Variants in SLC25A16 observed in about 807,000 individuals in gnomAD.
SLC25A16 encodes the protein mitochondrial coenzyme A transporter SLC25A16.
In SLC25A16, 39 loss-of-function variants were observed where a neutral mutation model predicts 41.5. The ratio of observed to expected loss-of-function variants is 0.94; its 90% confidence interval spans 0.73 to 1.23. The LOEUF (loss-of-function observed/expected upper bound fraction) is 1.23, where lower values mean the gene tolerates loss of function less well. SLC25A16 is among the 50% of genes most tolerant of loss of function. The pLI, the probability that SLC25A16 is intolerant of heterozygous loss-of-function variation, is 0.00. For missense variants in SLC25A16, 421 were observed against 426.9 expected (o/e 0.99, Z 0.12); for synonymous variants, 146 against 147.8 (o/e 0.99, Z 0.09).
intron 1 of SLC25A16, among the ~76,000 whole-genome samples, chr10:68,525,480 GTC>G (rs1000802498): frequency 2.6e-4 from 39 of 152,202 alleles, no homozygotes; most frequent in Admixed American, 2.5e-3. Context: ...TTAGGAGAGG[GTC>G]TCTCTCTGTA....
In SLC25A16 at chr10:68,482,707, C is replaced by A. The variant is rs1246048448; in HGVS notation, c.*725G>T. On this transcript the variant is annotated 3_prime_UTR_variant, in exon 9 of 9. Coordinates refer to ENST00000609923, the MANE Select transcript of SLC25A16 (RefSeq NM_152707.4). Reference sequence around the variant, plus strand: ...TAATAACATTTGAGCAAGACTTAGTCGTTCATTCATTTATTAAGTGGGGTT... The same window carrying A: ...TAATAACATTTGAGCAAGACTTAGTAGTTCATTCATTTATTAAGTGGGGTT... 6.6e-6 allele frequency: 1 copy of A among 152,134 alleles called. No homozygotes were observed. The highest frequency in any genetic ancestry group is 1.5e-5 in the Non-Finnish European group (1 of 68,000). 9.4% of individuals were successfully genotyped at this position (152,134 alleles called of 1,614,324 possible).
chr10:68,527,471 C>T lies in SLC25A16; in HGVS notation c.-96G>A. The T allele has an allele frequency of 3.2e-6, 4 of 1,265,154 alleles. No homozygotes were observed. The highest frequency in any genetic ancestry group is 4.1e-6 in the Non-Finnish European group (4 of 966,140). The allele number at this position is 1,265,154 out of a possible 1,614,324, so 78.4% of individuals were successfully genotyped here. ...AGGCGGTGACAGGAGGCTGACCGCC[C>T]CGCCGGCGGGGCAAAGTAACACCCG... On this transcript the variant is annotated 5_prime_UTR_variant, in exon 1 of 9. Transcript: ENST00000609923.
chr10:68,518,691 A>G (rs1368908326), intron 1 of SLC25A16, among the ~76,000 whole-genome samples: 1 of 150,166 alleles, frequency 6.7e-6, no homozygotes, highest in East Asian at 2.0e-4. Flanking sequence ...GAAGAATTGC[A>G]TGAACCCAGG....
In SLC25A16 at chr10:68,503,617, C is replaced by G. The variant is rs779459911; in HGVS notation, c.421+15G>C. 5.9e-6 allele frequency: 9 copies of G among 1,524,712 alleles called. No individual in the cohort carries two copies. In the Admixed American group the frequency reaches 1.6e-4, roughly 27 times the overall value. 94.4% of individuals were successfully genotyped at this position (1,524,712 alleles called of 1,614,324 possible). A position where few individuals can be genotyped will look rare whatever the true frequency, so the allele number is the denominator to read the frequency against. On this transcript the variant is annotated intron_variant, in intron 4 of 8. Transcript: ENST00000609923. The stretch of plus-strand genomic sequence containing the variant: ...ATTAATTTGTCAGAAATAAAATATA[C>G]CTAACTCCTCTTACCTGCCATGGAT...
intron 8 of SLC25A16, 181 bp downstream of exon 8, chr10:68,486,956 CAAAAAAA>C (rs374368406): frequency 2.3e-3 from 236 of 103,012 alleles, no homozygotes; most frequent in South Asian, 5.2e-3. Context: ...GACTGCATCT[CAAAAAAA>C]AAAAAAAAAA....
At position 68,492,067 on chromosome 10, in the gene SLC25A16, G is replaced by A. The variant is rs367855612; in HGVS notation, c.610+1065C>T. 4.2e-4 allele frequency among the ~76,000 whole-genome samples: 64 copies of A among 152,112 alleles called. 1 individual carries two copies. In the South Asian group the frequency reaches 0.012, roughly 28 times the overall value. ...AGTCTCAAACTCAGGTGATCCACCC[G>A]CCTTGGCCTCCAAAAGTGCTGGGAT... On this transcript the variant is annotated intron_variant, in intron 6 of 8. Coordinates refer to ENST00000609923, the MANE Select transcript of SLC25A16 (RefSeq NM_152707.4).
At chr10:68,499,888 G>A (rs1387795721) in intron 4 of SLC25A16, 2 of 569,478 alleles carry the variant, frequency 3.5e-6, no homozygotes, top group East Asian at 8.1e-5. Flanking sequence ...AAAGATTCCT[G>A]AACAGAAAGC....
chr10:68,494,257 G>A (rs1191560733), intron 4 of SLC25A16, among the ~76,000 whole-genome samples: 1 of 151,876 alleles, frequency 6.6e-6, no homozygotes, highest in African/African-American at 2.4e-5. Flanking sequence ...GAGGTCAAGA[G>A]ATCGAGCCGT....
chr10:68,504,420 C>A (rs561841316), intron 3 of SLC25A16, among the ~76,000 whole-genome samples: 3 of 150,744 alleles, frequency 2.0e-5, no homozygotes, highest in East Asian at 3.9e-4. Flanking sequence ...TTGTTCCGAT[C>A]TCTGCTGCTT....
At chr10:68,510,769 C>T (rs1353143439) in intron 2 of SLC25A16, among the ~76,000 whole-genome samples, 2 of 151,926 alleles carry the variant, frequency 1.3e-5, no homozygotes, top group South Asian at 2.1e-4. Context: ...ATCCGGGAGG[C>T]GGAGGTTGCA....
chr10:68,516,055 A>C (rs1017486790), intron 2 of SLC25A16, among the ~76,000 whole-genome samples: 5 of 152,172 alleles, frequency 3.3e-5, no homozygotes, highest in Non-Finnish European at 5.9e-5. Flanking sequence ...CCTACAGAGA[A>C]AAAACAAATA....
intron 2 of SLC25A16, among the ~76,000 whole-genome samples, chr10:68,515,339 A>G (rs1040431120): frequency 2.2e-5 from 3 of 135,972 alleles, no homozygotes; most frequent in Non-Finnish European, 4.7e-5. Context: ...CTTGGGCCAC[A>G]AGAGCAAACT....
chr10:68,527,160 G>C, intron 1 of SLC25A16, 86 bp downstream of exon 1: 1 of 1,403,756 alleles, frequency 7.1e-7, no homozygotes, highest in Non-Finnish European at 9.6e-7. Context: ...GTCCAGGAAT[G>C]TCATAGAGGC....
At chr10:68,498,729 G>A (rs1458605035) in intron 4 of SLC25A16, among the ~76,000 whole-genome samples, 2 of 152,082 alleles carry the variant, frequency 1.3e-5, no homozygotes, top group Admixed American at 6.6e-5. Flanking sequence ...TTTGGGAAAG[G>A]TGCCTACAAG....
intron 2 of SLC25A16, among the ~76,000 whole-genome samples, chr10:68,513,144 C>A (rs1427507648): frequency 6.6e-6 from 1 of 151,444 alleles, no homozygotes; most frequent in African/African-American, 2.4e-5. Context: ...TCATGAGTTG[C>A]AGACCAGCCT....
At position 68,478,775 on chromosome 10, in the gene SLC25A16, T is replaced by G. The variant is rs936042340; in HGVS notation, c.*4657A>C. ...TTCATTTATTTTTATTTTTATTTTT[T>G]GGGACAGAGTCTCACTCTGTCACCC... is the stretch of plus-strand genomic sequence containing the variant. On this transcript the variant is annotated 3_prime_UTR_variant, in exon 9 of 9. Transcript: ENST00000609923. 4 of 151,740 alleles carry G rather than the reference T, an allele frequency of 2.6e-5. No homozygotes were observed. Among genetic ancestry groups the G allele is most frequent in the Non-Finnish European group, 4.4e-5 (3 of 67,968 alleles). 9.4% of individuals were successfully genotyped at this position (151,740 alleles called of 1,614,324 possible).
intron 6 of SLC25A16, among the ~76,000 whole-genome samples, chr10:68,489,796 G>A (rs1163255760): frequency 6.6e-6 from 1 of 151,508 alleles, no homozygotes; most frequent in Non-Finnish European, 1.5e-5. Flanking sequence ...AGCTACTCAG[G>A]AGGCTGAGGC....
chr10:68,519,986 T>C (rs2053223773), intron 1 of SLC25A16, among the ~76,000 whole-genome samples: 1 of 1,052 alleles, frequency 9.5e-4, no homozygotes, highest in Admixed American at 0.021. Flanking sequence ...TTTTTTTTTT[T>C]TTTTCCAGGG....
intron 6 of SLC25A16, among the ~76,000 whole-genome samples, chr10:68,491,011 T>C (rs2052648551): frequency 6.6e-6 from 1 of 152,040 alleles, no homozygotes; most frequent in Non-Finnish European, 1.5e-5. Flanking sequence ...TAACTCAGCT[T>C]CTCAAGTAGC....
Sources: gnomAD v4.1 joint callset for allele counts (sites outside exome capture counted in the v4.1 genomes callset) on GRCh38, gnomAD v4.1.1 for gene constraint, MANE v1.5 for transcripts, NCBI Gene and HGNC (gene_info 2026-07-23, HGNC 2026-07-21) for gene names.